The following C18orf32 variants were observed in gnomAD, a reference collection of about 807,000 sequenced individuals.
C18orf32 encodes UPF0729 protein C18orf32.
A neutral mutation model predicts 7.4 loss-of-function variants in C18orf32; 5 were observed. That is an observed-to-expected ratio of 0.68 (90% CI 0.35 to 1.42). The LOEUF is 1.42. C18orf32 is among the 40% of genes most tolerant of loss of function. The probability of loss-of-function intolerance (pLI) is 0.04; values close to 1 mark genes in which losing one functional copy is unlikely to be tolerated. For synonymous variants in C18orf32, 30 were observed against 29.3 expected (o/e 1.02, Z -0.08); for missense variants, 88 against 92.4 (o/e 0.95, Z 0.19).
chr18:49,483,649 G>T lies in C18orf32; in HGVS notation c.100C>A (p.Arg34Ser). 1.9e-6 allele frequency: 3 copies of T among 1,613,378 alleles called. No homozygotes were observed. The highest frequency in any genetic ancestry group is 2.5e-6 in the Non-Finnish European group (3 of 1,179,916). Reference protein sequence around the residue: ...IYPLVSPFVSRIWPKKAIQES... With the variant: ...IYPLVSPFVSSIWPKKAIQES... ...TGTATTGCTTTCTTAGGCCATATACGACTAACGAAGGGGGAAACCAGAGGG... is the reference window on the plus strand; with the variant it reads ...TGTATTGCTTTCTTAGGCCATATACTACTAACGAAGGGGGAAACCAGAGGG... Residue 34 changes from arginine to serine, a missense_variant, in exon 2 of 3, where the codon CGT (arginine) becomes AGT (serine). Transcript: ENST00000318240.
chr18:49,479,539 G>A lies in C18orf32; in HGVS notation c.*2806C>T, dbSNP rs1294594477. The A allele has an allele frequency of 2.6e-5, 4 of 152,738 alleles. No homozygotes were observed. Among genetic ancestry groups the A allele is most frequent in the Non-Finnish European group, 5.8e-5 (4 of 68,468 alleles). 9.5% of individuals were successfully genotyped at this position (152,738 alleles called of 1,614,324 possible). A position where few individuals can be genotyped will look rare whatever the true frequency, so the allele number is the denominator to read the frequency against. ...ACTCTTGAGAGGAAGCAGTAGCCCA[G>A]AGCCAGTAACAGAAATACCACCACC... On this transcript the variant is annotated 3_prime_UTR_variant, in exon 3 of 3. Coordinates refer to ENST00000318240, the MANE Select transcript of C18orf32 (RefSeq NM_001035005.4).
chr18:49,486,657 A>G (rs1332736534), intron 1 of C18orf32: 1 of 152,078 alleles, frequency 6.6e-6, no homozygotes, highest in Non-Finnish European at 1.5e-5. Context: ...TTGCAGAGGA[A>G]TCTTCTTTCA....
Position 49,483,723 on chromosome 18 carries a change from A to G in C18orf32, c.26T>C (p.Ile9Thr), listed in dbSNP as rs1460769970. Residue 9 changes from isoleucine to threonine, a missense_variant, in exon 2 of 3, where the codon ATT becomes ACT. Transcript: ENST00000318240. ...TTTGTAGATCCAGAGCAGAACTGGA[A>G]TGACGATACAAGGAATGCACACCAT... Reference protein sequence around the residue: MVCIPCIVIPVLLWIYKKF... With the variant: MVCIPCIVTPVLLWIYKKF... 6.2e-7 allele frequency: 1 copy of G among 1,612,052 alleles called. No homozygotes were observed. The highest frequency in any genetic ancestry group is 1.7e-5 in the Admixed American group (1 of 59,258).
rs760268884 is a variant in C18orf32 at position 49,477,799 on chromosome 18, A to AAC, written c.*4545_*4546insGT. On this transcript the variant is annotated 3_prime_UTR_variant, in exon 3 of 3. Coordinates refer to ENST00000318240, the MANE Select transcript of C18orf32 (RefSeq NM_001035005.4). The stretch of plus-strand genomic sequence containing the variant: ...TTCCAAAAACAAACAAACAAACAAA[A>AAC]ATATATATATATACACACACTATAT... 7.1e-6 allele frequency: 1 copy of AAC among 140,654 alleles called. No homozygotes were observed. The highest frequency in any genetic ancestry group is 1.5e-5 in the Non-Finnish European group (1 of 66,774). The allele number at this position is 140,654 out of a possible 1,614,324, so 8.7% of individuals were successfully genotyped here. A position where few individuals can be genotyped will look rare whatever the true frequency, so the allele number is the denominator to read the frequency against.
chr18:49,482,421 A>C lies in C18orf32; in HGVS notation c.166-11T>G. ...ATTCATGTCTGCACCCTAAAATGAA[A>C]AAACATTTTAGAAATTATCATAACA... On this transcript the variant is annotated splice_polypyrimidine_tract_variant and intron_variant, in intron 2 of 2. Transcript: ENST00000318240. 6.3e-7 allele frequency: 1 copy of C among 1,596,774 alleles called. No individual in the cohort carries two copies.
rs2083651449 is a variant in C18orf32 at position 49,480,466 on chromosome 18, AAAAGATG to A, written c.*1872_*1878del. The A allele has an allele frequency of 6.6e-6, 1 of 152,100 alleles. No homozygotes were observed. The highest frequency in any genetic ancestry group is 1.5e-5 in the Non-Finnish European group (1 of 68,030). 9.4% of individuals were successfully genotyped at this position (152,100 alleles called of 1,614,324 possible). ...AACGTTGCAATATTACTTAATTTTT[AAAAGATG>A]ATGTGTGGGCCAGGTGCAGTAGTAG... is the stretch of plus-strand genomic sequence containing the variant. On this transcript the variant is annotated 3_prime_UTR_variant, in exon 3 of 3. Coordinates refer to ENST00000318240, the MANE Select transcript of C18orf32 (RefSeq NM_001035005.4).
In C18orf32 at chr18:49,479,348, A is replaced by C. The variant is rs2083642220; in HGVS notation, c.*2997T>G. The C allele has an allele frequency of 6.6e-6, 1 of 152,314 alleles. No homozygotes were observed. The highest frequency in any genetic ancestry group is 6.5e-5 in the Admixed American group (1 of 15,288). The allele number at this position is 152,314 out of a possible 1,614,324, so 9.4% of individuals were successfully genotyped here. On this transcript the variant is annotated 3_prime_UTR_variant, in exon 3 of 3. Coordinates refer to ENST00000318240, the MANE Select transcript of C18orf32 (RefSeq NM_001035005.4). Reference sequence around the variant, plus strand: ...GAAAGTCCCGAGGACTGCAGTGTGCACCAGGTCTAGGCAACAACTAGGCAG... The same window carrying C: ...GAAAGTCCCGAGGACTGCAGTGTGCCCCAGGTCTAGGCAACAACTAGGCAG...
rs893970810 is a variant in C18orf32 at position 49,479,388 on chromosome 18, G to A, written c.*2957C>T. 9 of 152,380 alleles carry A rather than the reference G, an allele frequency of 5.9e-5. No individual in the cohort carries two copies. The highest frequency in any genetic ancestry group is 2.2e-4 in the African/African-American group (9 of 41,462). The allele number at this position is 152,380 out of a possible 1,614,324, so 9.4% of individuals were successfully genotyped here. Reference sequence around the variant, plus strand: ...CAACTAGGCAGGAGAGGTGTATGGGGAGAAGGTAAACTGGTCACTCCAGGA... The same window carrying A: ...CAACTAGGCAGGAGAGGTGTATGGGAAGAAGGTAAACTGGTCACTCCAGGA... On this transcript the variant is annotated 3_prime_UTR_variant, in exon 3 of 3. Transcript: ENST00000318240.
Position 49,482,642 on chromosome 18 carries a change from G to A in C18orf32, c.166-232C>T, listed in dbSNP as rs377526245. On this transcript the variant is annotated intron_variant, in intron 2 of 2. Transcript: ENST00000318240. ...CTCAGGAGGCTGAGGCAGGAGAATC[G>A]TTTGAACCTGGGAGACGGAAGTTGT... 1.2e-3 allele frequency among the ~76,000 whole-genome samples: 176 copies of A among 151,180 alleles called. 2 individuals are homozygous for A. Among genetic ancestry groups the A allele is most frequent in the African/African-American group, 4.2e-3 (172 of 41,212 alleles).
In C18orf32 at chr18:49,482,135, G is replaced by A. The variant is rs952661578; in HGVS notation, c.*210C>T. 6 of 497,260 alleles carry A rather than the reference G, an allele frequency of 1.2e-5. No individual in the cohort carries two copies. Among genetic ancestry groups the A allele is most frequent in the African/African-American group, 4.0e-5 (2 of 49,804 alleles). 30.8% of individuals were successfully genotyped at this position (497,260 alleles called of 1,614,324 possible). ...TAACAGAAATGAAAGCTACATTAAC[G>A]AAAAAGGAACTTAGGAATGAGGTCA... On this transcript the variant is annotated 3_prime_UTR_variant, in exon 3 of 3. Coordinates refer to ENST00000318240, the MANE Select transcript of C18orf32 (RefSeq NM_001035005.4).
At chr18:49,485,340 G>A (rs528777348) in intron 1 of C18orf32, among the ~76,000 whole-genome samples, 62 of 152,208 alleles carry the variant, frequency 4.1e-4, no homozygotes, top group African/African-American at 1.4e-3. Flanking sequence ...GATCATCTTA[G>A]GTAAGGAGTT....
At position 49,479,015 on chromosome 18, in the gene C18orf32, G is replaced by A. The variant is rs990291618; in HGVS notation, c.*3330C>T. The A allele has an allele frequency of 6.6e-6, 1 of 152,076 alleles. No individual in the cohort carries two copies. The highest frequency in any genetic ancestry group is 6.6e-5 in the Admixed American group (1 of 15,260). The allele number at this position is 152,076 out of a possible 1,614,324, so 9.4% of individuals were successfully genotyped here. ...TTGGAAAAATCAAAAGTTGGCAATT[G>A]CATACTAGCCACCCCTATCCTGCTT... On this transcript the variant is annotated 3_prime_UTR_variant, in exon 3 of 3. Coordinates refer to ENST00000318240, the MANE Select transcript of C18orf32 (RefSeq NM_001035005.4).
intron 1 of C18orf32, chr18:49,486,056 G>A (rs1175575484): frequency 6.9e-6 from 1 of 144,470 alleles, no homozygotes; most frequent in Non-Finnish European, 1.5e-5. Context: ...ACTCCAGCCT[G>A]GGCCACAGAG....
chr18:49,484,900 T>G (rs187151397), intron 1 of C18orf32: 2 of 151,910 alleles, frequency 1.3e-5, no homozygotes, highest in African/African-American at 2.4e-5. Flanking sequence ...CTAACCAACA[T>G]GGTGAAACCC....
chr18:49,479,703 G>C lies in C18orf32; in HGVS notation c.*2642C>G, dbSNP rs947661191. The stretch of plus-strand genomic sequence containing the variant: ...TTGGCCTGAGGTGACCTTGCAGAGA[G>C]AGGGCCAAGGGAATAAACACTCTGC... On this transcript the variant is annotated 3_prime_UTR_variant, in exon 3 of 3. Coordinates refer to ENST00000318240, the MANE Select transcript of C18orf32 (RefSeq NM_001035005.4). 6.6e-6 allele frequency: 1 copy of C among 152,310 alleles called. No individual in the cohort carries two copies. The highest frequency in any genetic ancestry group is 1.9e-4 in the East Asian group (1 of 5,206). 9.4% of individuals were successfully genotyped at this position (152,310 alleles called of 1,614,324 possible). A position where few individuals can be genotyped will look rare whatever the true frequency, so the allele number is the denominator to read the frequency against.
chr18:49,477,799 A>AAAAATATAT lies in C18orf32; in HGVS notation c.*4545_*4546insATATATTTT, dbSNP rs760268884. The AAAAATATAT allele has an allele frequency of 0.014, 1,948 of 140,634 alleles. 193 individuals carry two copies. Among genetic ancestry groups the AAAAATATAT allele is most frequent in the African/African-American group, 0.053 (1,811 of 34,296 alleles). 8.7% of individuals were successfully genotyped at this position (140,634 alleles called of 1,614,324 possible). A position where few individuals can be genotyped will look rare whatever the true frequency, so the allele number is the denominator to read the frequency against. The stretch of plus-strand genomic sequence containing the variant: ...TTCCAAAAACAAACAAACAAACAAA[A>AAAAATATAT]ATATATATATATACACACACTATAT... On this transcript the variant is annotated 3_prime_UTR_variant, in exon 3 of 3. Transcript: ENST00000318240.
At chr18:49,484,166 A>ACC in intron 1 of C18orf32, among the ~76,000 whole-genome samples, 1 of 118,010 alleles carries the variant, frequency 8.5e-6, no homozygotes, top group African/African-American at 3.0e-5. Flanking sequence ...ATATATATAT[A>ACC]TACACACACA....
intron 1 of C18orf32, among the ~76,000 whole-genome samples, chr18:49,484,034 C>A (rs2083700868): frequency 1.3e-5 from 2 of 150,136 alleles, no homozygotes; most frequent in Admixed American, 1.3e-4. Flanking sequence ...GTGGCTGGGA[C>A]AAGAGGATCA....
At chr18:49,484,150 ATATATATATAT>A (rs1568495844) in intron 1 of C18orf32, among the ~76,000 whole-genome samples, 985 of 52,170 alleles carry the variant, frequency 0.019, 20 homozygotes, top group South Asian at 0.04. Context: ...AAAAAAAAAT[ATATATATATAT>A]ATATATACAC....
Sources: gnomAD v4.1 joint callset for allele counts (sites outside exome capture counted in the v4.1 genomes callset) on GRCh38, gnomAD v4.1.1 for gene constraint, MANE v1.5 for transcripts, NCBI Gene and HGNC (gene_info 2026-07-23, HGNC 2026-07-21) for gene names.